The following LILRA5 variants were observed in gnomAD, a reference collection of about 807,000 sequenced individuals.
The protein encoded by LILRA5 is leukocyte immunoglobulin like receptor A5.
LILRA5 carries 31 observed loss-of-function variants against 36.3 expected under a neutral mutation model. The observed-to-expected ratio is 0.85, with a 90% CI of 0.64 to 1.15. LILRA5 has a LOEUF of 1.15. Among genes scored for constraint, LILRA5 ranks in the 50% most tolerant of loss-of-function variants. The pLI is 0.00. For synonymous variants in LILRA5, 144 were observed against 144.8 expected (o/e 0.99, Z 0.04); for missense variants, 348 against 377.4 (o/e 0.92, Z 0.64).
rs201892026 is a variant in LILRA5 at position 54,312,538 on chromosome 19, G to A, written c.87C>T (p.Leu29=). ...CTTCCCTGAGGCTTCCAATCTCACC[G>A]AGGCAGAGCAGAACCATGAGGGCAG... ...VSPALMVLLC[L]GLSLGPRTHV... Residue 29 remains leucine, a splice_region_variant and synonymous_variant, in exon 2 of 7, where the codon CTC becomes CTT. Transcript: ENST00000432233. 2.4e-5 allele frequency: 38 copies of A among 1,614,214 alleles called. No homozygotes were observed. The highest frequency in any genetic ancestry group is 1.9e-4 in the African/African-American group (14 of 75,072).
chr19:54,311,287 T>C, intron 5 of LILRA5, 127 bp downstream of exon 5: 1 of 1,596,804 alleles, frequency 6.3e-7, no homozygotes, highest in Non-Finnish European at 8.5e-7. Flanking sequence ...TGAATTTGTG[T>C]CCCTAGGATT....
At chr19:54,312,310 C>G in intron 3 of LILRA5, 25 bp downstream of exon 3, 1 of 1,604,466 alleles carries the variant, frequency 6.2e-7, no homozygotes, top group Non-Finnish European at 8.5e-7. Context: ...GAGGAGGGAC[C>G]TGGGACAGCT....
chr19:54,310,685 C>G, intron 5 of LILRA5: 1 of 312,860 alleles, frequency 3.2e-6, no homozygotes, highest in Non-Finnish European at 6.5e-6. Context: ...CTTCCAAGCT[C>G]AGGGGGAAGT....
Position 54,307,261 on chromosome 19 carries a change from A to AG in LILRA5, c.*151_*152insC, listed in dbSNP as rs2080893849. On this transcript the variant is annotated 3_prime_UTR_variant, in exon 7 of 7. Coordinates refer to ENST00000432233, the MANE Select transcript of LILRA5 (RefSeq NM_021250.4). ...CCATCTCAAAAAAAAAAAAAAAAAA[A>AG]AAAAAGAAAGAAAAGAAAAGAAAGA... The AG allele has an allele frequency of 3.6e-6, 2 of 561,602 alleles. No individual in the cohort carries two copies. The highest frequency in any genetic ancestry group is 5.3e-6 in the Non-Finnish European group (2 of 378,762). The allele number at this position is 561,602 out of a possible 1,614,324, so 34.8% of individuals were successfully genotyped here.
intron 6 of LILRA5, 72 bp downstream of exon 6, chr19:54,307,626 G>T: frequency 6.2e-7 from 1 of 1,613,254 alleles, no homozygotes. Flanking sequence ...GTCTCCCCAG[G>T]GCACCCATAT....
Position 54,311,670 on chromosome 19 carries a change from C to A in LILRA5, c.456G>T (p.Val152=), listed in dbSNP as rs2081019875. 5.0e-6 allele frequency: 8 copies of A among 1,614,018 alleles called. No homozygotes were observed. Among genetic ancestry groups the A allele is most frequent in the Non-Finnish European group, 5.9e-6 (7 of 1,179,998 alleles). ...PTLSALPSPV[V]TSGENVTLQC... ...GGAGGGTCACGTTCTCTCCTGAGGT[C>A]ACCACAGGACTGGGCAGGGCTGAGA... is the stretch of plus-strand genomic sequence containing the variant. Residue 152 remains valine, a synonymous_variant, in exon 5 of 7, where the codon GTG becomes GTT. Coordinates refer to ENST00000432233, the MANE Select transcript of LILRA5 (RefSeq NM_021250.4).
chr19:54,312,174 C>T (rs2081036368), intron 3 of LILRA5, 26 bp from the exon 4 acceptor site: 1 of 1,612,056 alleles, frequency 6.2e-7, no homozygotes, highest in Non-Finnish European at 8.5e-7. Context: ...AGTCTGGGCT[C>T]CAAGACCTCC....
Position 54,307,082 on chromosome 19 carries a change from C to G in LILRA5, c.*331G>C, listed in dbSNP as rs1433275713. 1.1e-5 allele frequency: 2 copies of G among 176,450 alleles called. No homozygotes were observed. The highest frequency in any genetic ancestry group is 4.8e-5 in the African/African-American group (2 of 42,000). The allele number at this position is 176,450 out of a possible 1,614,324, so 10.9% of individuals were successfully genotyped here. On this transcript the variant is annotated 3_prime_UTR_variant, in exon 7 of 7. Coordinates refer to ENST00000432233, the MANE Select transcript of LILRA5 (RefSeq NM_021250.4). Reference sequence around the variant, plus strand: ...CACATTTTAATGGTCCTCCATGGATCACCCCAGACCAGTGTCTCTGCACTC... The same window carrying G: ...CACATTTTAATGGTCCTCCATGGATGACCCCAGACCAGTGTCTCTGCACTC...
Position 54,307,308 on chromosome 19 carries a change from C to A in LILRA5, c.*105G>T. 7 of 832,322 alleles carry A rather than the reference C, an allele frequency of 8.4e-6. No individual in the cohort carries two copies. Among genetic ancestry groups the A allele is most frequent in the Middle Eastern group, 3.1e-4 (1 of 3,242 alleles). The allele number at this position is 832,322 out of a possible 1,614,324, so 51.6% of individuals were successfully genotyped here. A position where few individuals can be genotyped will look rare whatever the true frequency, so the allele number is the denominator to read the frequency against. Reference sequence around the variant, plus strand: ...AAGAAAAAAAGAAATTGCCAGCAGACAGTCCAGATGGCATAGGCCTCAGAT... The same window carrying A: ...AAGAAAAAAAGAAATTGCCAGCAGAAAGTCCAGATGGCATAGGCCTCAGAT... On this transcript the variant is annotated 3_prime_UTR_variant, in exon 7 of 7. Coordinates refer to ENST00000432233, the MANE Select transcript of LILRA5 (RefSeq NM_021250.4).
intron 5 of LILRA5, 89 bp from the exon 6 acceptor site, chr19:54,307,837 C>T: frequency 9.3e-7 from 1 of 1,075,906 alleles, no homozygotes; most frequent in South Asian, 1.3e-5. Flanking sequence ...TCTCCTAGTT[C>T]CCTGTGCCTC....
intron 5 of LILRA5, chr19:54,310,708 G>T: frequency 6.0e-6 from 2 of 332,832 alleles, no homozygotes; most frequent in African/African-American, 2.2e-5. Flanking sequence ...GCCTGGGAGA[G>T]CCCAGCCTGG....
rs978833494 is a variant in LILRA5, at chr19:54,312,684, G to A, written c.4-63C>T. The stretch of plus-strand genomic sequence containing the variant: ...GGAGGCTGGGTCCTTCTTGTCATAG[G>A]ATTTTCTCATTCTCAGCCCACAGAA... On this transcript the variant is annotated intron_variant, in intron 1 of 6. Coordinates refer to ENST00000432233, the MANE Select transcript of LILRA5 (RefSeq NM_021250.4). The A allele has an allele frequency of 2.0e-6, 3 of 1,496,280 alleles. No individual in the cohort carries two copies. The African/African-American group carries it at 4.1e-5, about 21-fold the overall frequency. 92.7% of individuals were successfully genotyped at this position (1,496,280 alleles called of 1,614,324 possible).
chr19:54,310,714 C>T, intron 5 of LILRA5: 1 of 331,048 alleles, frequency 3.0e-6, no homozygotes, highest in Non-Finnish European at 6.2e-6. Context: ...GAGAGCCCAG[C>T]CTGGGGCTGC....
chr19:54,311,505 G>A lies in LILRA5; in HGVS notation c.621C>T (p.Ser207=). Residue 207 remains serine, a synonymous_variant, in exon 5 of 7, where the codon AGC becomes AGT. Transcript: ENST00000432233. The part of the protein sequence containing the change: ...ALFPVGPVTP[S]HRWMLRCYGS... The stretch of plus-strand genomic sequence containing the variant: ...CATAGCATCTGAGCATCCACCTGTG[G>A]CTGGGGGTCACAGGGCCCACAGGGA... 1 of 1,614,172 alleles carries A rather than the reference G, an allele frequency of 6.2e-7. No individual in the cohort carries two copies. The highest frequency in any genetic ancestry group is 8.5e-7 in the Non-Finnish European group (1 of 1,180,008).
Position 54,311,474 on chromosome 19 carries a change from G to T in LILRA5, c.652C>A (p.Arg218Ser). 6.2e-7 allele frequency: 1 copy of T among 1,614,146 alleles called. No homozygotes were observed. Among genetic ancestry groups the T allele is most frequent in the Non-Finnish European group, 8.5e-7 (1 of 1,180,004 alleles). ...HRWMLRCYGS[R>S]RHILQVWSEP... ...GACCATACCTGCAGGATATGCCTGCGAGAGCCATAGCATCTGAGCATCCAC... is the reference window on the plus strand; with the variant it reads ...GACCATACCTGCAGGATATGCCTGCTAGAGCCATAGCATCTGAGCATCCAC... The change falls in exon 5 of 7, where the codon CGC (arginine) becomes AGC (serine). Residue 218 changes from arginine to serine, a missense_variant. Arg to Ser is a moderately radical substitution (Grantham distance 110, BLOSUM62 -1). Coordinates refer to ENST00000432233, the MANE Select transcript of LILRA5 (RefSeq NM_021250.4).
intron 5 of LILRA5, chr19:54,308,873 A>G (rs2080954086): frequency 6.6e-6 from 1 of 152,228 alleles, no homozygotes; most frequent in African/African-American, 2.4e-5. Context: ...ACCTACACTT[A>G]TATTCAGATG....
intron 5 of LILRA5, 101 bp downstream of exon 5, chr19:54,311,313 C>A: frequency 6.2e-7 from 1 of 1,610,548 alleles, no homozygotes; most frequent in East Asian, 2.2e-5. Flanking sequence ...GTTCTCCTTC[C>A]CCTTTTTGTC....
At chr19:54,312,492 C>T (rs1001909249) in intron 2 of LILRA5, 45 bp downstream of exon 2, 8 of 1,613,834 alleles carry the variant, frequency 5.0e-6, no homozygotes, top group Non-Finnish European at 6.8e-6. Context: ...GGGGTGGGGT[C>T]CCTCCCAGAC....
At chr19:54,308,532 G>A (rs534597309) in intron 5 of LILRA5, 1 of 150,670 alleles carries the variant, frequency 6.6e-6, no homozygotes, top group South Asian at 2.1e-4. Flanking sequence ...TTCGAGACCA[G>A]CCTGGCCAAC....
Sources: gnomAD v4.1 joint callset for allele counts on GRCh38, gnomAD v4.1.1 for gene constraint, MANE v1.5 for transcripts, NCBI Gene and HGNC (gene_info 2026-07-23, HGNC 2026-07-21) for gene names.